The following MAD1L1 variants were observed in gnomAD, a reference collection of about 807,000 sequenced individuals.
MAD1L1 encodes the protein mitotic spindle assembly checkpoint protein MAD1.
A neutral mutation model predicts 96.9 loss-of-function variants in MAD1L1; 95 were observed. That is an observed-to-expected ratio of 0.98 (90% CI 0.83 to 1.16). The LOEUF is 1.16. MAD1L1 is among the 50% of genes most tolerant of loss of function. MAD1L1 has a pLI of 0.00. For missense variants in MAD1L1, 1,007 were observed against 954.4 expected (o/e 1.06, Z -0.73); for synonymous variants, 473 against 396.6 (o/e 1.19, Z -2.29).
rs766197883 is a variant in MAD1L1 at position 1,898,242 on chromosome 7, G to A, written c.1956C>T (p.Thr652=). 1.8e-5 allele frequency: 29 copies of A among 1,613,888 alleles called. No homozygotes were observed. The highest frequency in any genetic ancestry group is 2.7e-5 in the African/African-American group (2 of 74,944). ...DITTENQYRL[T]SLYAEHPGDC... ...CGCCTGGGTGCTCGGCGTACAGCGA[G>A]GTCAGCCGGTACTGGTTCTCCGTGG... Residue 652 remains threonine (T), a synonymous_variant, in exon 18 of 19, where the codon ACC becomes ACT. Transcript: ENST00000265854.
intron 11 of MAD1L1, among the ~76,000 whole-genome samples, chr7:2,094,278 G>A (rs1054171971): frequency 6.6e-6 from 1 of 152,174 alleles, no homozygotes; most frequent in Non-Finnish European, 1.5e-5. Context: ...TCTGGATGCA[G>A]AATCCCTCTG....
In MAD1L1 at chr7:1,854,355, G is replaced by A. The variant is rs374176517; in HGVS notation, c.1999-38127C>T. On this transcript the variant is annotated intron_variant, in intron 18 of 18. Coordinates refer to ENST00000265854, the MANE Select transcript of MAD1L1 (RefSeq NM_001013836.2). ...CTCGTCCCCAACCCCCGCTGTGGGG[G>A]AACCTACCCTGTGGAAGCCTGTATT... 4.2e-5 allele frequency: 20 copies of A among 472,014 alleles called. No individual in the cohort carries two copies. In the Admixed American group the frequency reaches 4.5e-4, roughly 11 times the overall value. The allele number at this position is 472,014 out of a possible 1,614,324, so 29.2% of individuals were successfully genotyped here. A position where few individuals can be genotyped will look rare whatever the true frequency, so the allele number is the denominator to read the frequency against.
chr7:1,854,086 T>C (rs1381211755), intron 18 of MAD1L1, among the ~76,000 whole-genome samples: 1 of 152,178 alleles, frequency 6.6e-6, no homozygotes, highest in Non-Finnish European at 1.5e-5. Context: ...GGTACATTTA[T>C]CCACCCCATC....
At chr7:1,998,097 T>C (rs1031728911) in intron 14 of MAD1L1, among the ~76,000 whole-genome samples, 2 of 151,998 alleles carry the variant, frequency 1.3e-5, no homozygotes, top group South Asian at 2.1e-4. Flanking sequence ...AAAACACAGG[T>C]TGAAAAGCAG....
At chr7:2,061,740 C>G (rs1283317972) in intron 12 of MAD1L1, among the ~76,000 whole-genome samples, 2 of 152,238 alleles carry the variant, frequency 1.3e-5, no homozygotes, top group African/African-American at 2.4e-5. Context: ...GTCAACACCC[C>G]CATGCTGGAA....
chr7:2,216,128 C>T (rs1014929157), intron 8 of MAD1L1, 29 bp downstream of exon 8: 7 of 1,608,902 alleles, frequency 4.4e-6, no homozygotes, highest in South Asian at 1.1e-5. Flanking sequence ...TCACTCGAGG[C>T]GGCTGCCCCA....
chr7:1,932,130 C>T (rs781070086), intron 17 of MAD1L1, among the ~76,000 whole-genome samples: 2 of 152,192 alleles, frequency 1.3e-5, no homozygotes, highest in East Asian at 1.9e-4. Flanking sequence ...TTCCAGCCCC[C>T]GCTGGAGGCT....
At chr7:2,076,546 A>G (rs1037655253) in intron 11 of MAD1L1, among the ~76,000 whole-genome samples, 5 of 152,114 alleles carry the variant, frequency 3.3e-5, no homozygotes, top group African/African-American at 1.2e-4. Flanking sequence ...CGGTCTCCTA[A>G]CCCATAACGC....
intron 11 of MAD1L1, among the ~76,000 whole-genome samples, chr7:2,113,839 T>A (rs1424356581): frequency 6.6e-6 from 1 of 152,260 alleles, no homozygotes; most frequent in Admixed American, 6.5e-5. Context: ...TCAGACTCGC[T>A]CCAACTGAGG....
At chr7:1,880,837 C>A (rs565888830) in intron 18 of MAD1L1, among the ~76,000 whole-genome samples, 1 of 152,204 alleles carries the variant, frequency 6.6e-6, no homozygotes, top group Non-Finnish European at 1.5e-5. Context: ...AACTGAGAGA[C>A]GGTGAGCTGG....
At chr7:2,059,452 G>A (rs1784537142) in intron 12 of MAD1L1, among the ~76,000 whole-genome samples, 1 of 149,814 alleles carries the variant, frequency 6.7e-6, no homozygotes, top group South Asian at 2.2e-4. Flanking sequence ...CGTGGCCAGA[G>A]GAGAGAAGAG....
chr7:2,070,485 C>T (rs1039640816), intron 11 of MAD1L1, among the ~76,000 whole-genome samples: 1 of 152,094 alleles, frequency 6.6e-6, no homozygotes, highest in African/African-American at 2.4e-5. Context: ...CAGTGAGGTA[C>T]GAGAGCTCTC....
At chr7:2,098,461 G>T (rs1228228436) in intron 11 of MAD1L1, among the ~76,000 whole-genome samples, 5 of 152,186 alleles carry the variant, frequency 3.3e-5, no homozygotes, top group African/African-American at 1.2e-4. Context: ...CAAATAGCCA[G>T]GGTCCCTCTC....
intron 16 of MAD1L1, among the ~76,000 whole-genome samples, chr7:1,944,467 CAG>C (rs1218876776): frequency 6.6e-6 from 1 of 152,168 alleles, no homozygotes; most frequent in Admixed American, 6.5e-5. Context: ...GGGCTGAAAC[CAG>C]CCTCTTCCTT....
chr7:2,107,316 G>C (rs760238142), intron 11 of MAD1L1: 1 of 152,354 alleles, frequency 6.6e-6, no homozygotes, highest in Non-Finnish European at 1.5e-5. Context: ...TGGGGCAGAG[G>C]GGGCTGGCCC....
rs10231432 is a variant in MAD1L1 at position 2,221,156 on chromosome 7, C to A, written c.471+1419G>T. 18,467 of 780,986 alleles carry A rather than the reference C, an allele frequency of 0.024. 2,454 individuals are homozygous for A. In the African/African-American group the frequency reaches 0.28, roughly 12 times the overall value. 48.4% of individuals were successfully genotyped at this position (780,986 alleles called of 1,614,324 possible). A position where few individuals can be genotyped will look rare whatever the true frequency, so the allele number is the denominator to read the frequency against. ...ACCATCTTCCCCTCACTATGCCCCACCCCACCGGGCACCGCCCTGCGGCTC... is the reference window on the plus strand; with the variant it reads ...ACCATCTTCCCCTCACTATGCCCCAACCCACCGGGCACCGCCCTGCGGCTC... On this transcript the variant is annotated intron_variant, in intron 5 of 18. Coordinates refer to ENST00000265854, the MANE Select transcript of MAD1L1 (RefSeq NM_001013836.2).
At chr7:1,997,244 A>G (rs1781598630) in intron 14 of MAD1L1, among the ~76,000 whole-genome samples, 1 of 152,168 alleles carries the variant, frequency 6.6e-6, no homozygotes, top group Non-Finnish European at 1.5e-5. Context: ...TTTGGGTTGG[A>G]AAATAGCAGG....
In MAD1L1 at chr7:1,823,553, G is replaced by A. The variant is rs534158353; in HGVS notation, c.1999-7325C>T. ...TGGCACCTGGAGGGGTGACTGCAGC[G>A]TCTTAACCCCAAGTGGGATTCCTGC... On this transcript the variant is annotated intron_variant, in intron 18 of 18. Transcript: ENST00000265854. 8.5e-5 allele frequency among the ~76,000 whole-genome samples: 13 copies of A among 152,268 alleles called. No individual in the cohort carries two copies. In the East Asian group the frequency reaches 9.7e-4, roughly 11 times the overall value.
chr7:1,910,108 G>A (rs866332901), intron 17 of MAD1L1, among the ~76,000 whole-genome samples: 6 of 152,050 alleles, frequency 3.9e-5, no homozygotes, highest in South Asian at 2.1e-4. Flanking sequence ...ACAGGCGGGC[G>A]CGGATATCAT....
Sources: allele counts gnomAD v4.1 joint callset (sites outside exome capture counted in the v4.1 genomes callset), GRCh38; gene constraint gnomAD v4.1.1; transcripts MANE v1.5; gene names NCBI Gene and HGNC (gene_info 2026-07-23, HGNC 2026-07-21).